TCF12: variants seen among roughly 807,000 people sequenced by gnomAD.
The protein encoded by TCF12 is DNA-binding protein HTF4.
Under a neutral mutation model 86.0 loss-of-function variants are expected in TCF12, and 45 were observed. That is an observed-to-expected ratio of 0.52 (90% CI 0.41 to 0.67). The LOEUF (loss-of-function observed/expected upper bound fraction) is 0.67, where lower values mean the gene tolerates loss of function less well. Ranked by LOEUF, TCF12 falls within the 30% of genes least tolerant of loss-of-function variation. TCF12 has a pLI of 0.00. For missense variants in TCF12, 881 were observed against 859.9 expected (o/e 1.02, Z -0.31); for synonymous variants, 330 against 299.6 (o/e 1.10, Z -1.05).
At chr15:57,024,457 G>C (rs1464798595) in intron 3 of TCF12, among the ~76,000 whole-genome samples, 1 of 151,998 alleles carries the variant, frequency 6.6e-6, no homozygotes, top group Non-Finnish European at 1.5e-5. Context: ...CAAGTCATCT[G>C]CCTGCCTCAG....
chr15:57,138,626 C>G (rs2615240), intron 5 of TCF12, among the ~76,000 whole-genome samples: 152,153 of 152,354 alleles, frequency 1, 75,978 homozygotes, highest in East Asian at 1. Flanking sequence ...GTTGTAGGAA[C>G]AGGGCAGCTG....
At chr15:57,058,954 C>A (rs1029026972) in intron 3 of TCF12, among the ~76,000 whole-genome samples, 1 of 152,046 alleles carries the variant, frequency 6.6e-6, no homozygotes, top group South Asian at 2.1e-4. Flanking sequence ...AAAGGAATAT[C>A]CTTACTCTAC....
intron 6 of TCF12, among the ~76,000 whole-genome samples, chr15:57,185,011 C>T (rs890244551): frequency 7.9e-5 from 12 of 152,122 alleles, no homozygotes; most frequent in Admixed American, 2.0e-4. Flanking sequence ...TTACATCTTT[C>T]TCTCCCAATG....
intron 3 of TCF12, among the ~76,000 whole-genome samples, chr15:57,039,718 C>T (rs149751191): frequency 1.3e-5 from 2 of 152,242 alleles, no homozygotes; most frequent in Admixed American, 1.3e-4. Context: ...AGTCCGTAGA[C>T]CTTCTTGTTG....
chr15:57,197,873 A>G (rs778578780), intron 8 of TCF12, 48 bp downstream of exon 8: 7 of 1,586,388 alleles, frequency 4.4e-6, no homozygotes, highest in African/African-American at 2.7e-5. Flanking sequence ...ACTGATTTCA[A>G]GTGTTCCGTA....
intron 8 of TCF12, among the ~76,000 whole-genome samples, chr15:57,223,709 A>ATACT (rs536879697): frequency 6.1e-4 from 86 of 141,292 alleles, no homozygotes; most frequent in African/African-American, 2.2e-3. Flanking sequence ...TACATTGTAA[A>ATACT]TACTTATAAG....
At chr15:56,932,517 G>A (rs1456229352) in intron 3 of TCF12, among the ~76,000 whole-genome samples, 6 of 151,856 alleles carry the variant, frequency 4.0e-5, no homozygotes, top group Non-Finnish European at 5.9e-5. Context: ...CTTAAATGGG[G>A]TACTGTTGAT....
At chr15:57,269,821 G>T (rs536473750) in intron 18 of TCF12, among the ~76,000 whole-genome samples, 13 of 152,174 alleles carry the variant, frequency 8.5e-5, no homozygotes, top group Admixed American at 3.3e-4. Context: ...ATGAAACTTA[G>T]TTTGGCTGGA....
intron 5 of TCF12, among the ~76,000 whole-genome samples, chr15:57,096,458 T>G (rs1266405543): frequency 2.0e-5 from 3 of 152,096 alleles, no homozygotes; most frequent in Admixed American, 6.6e-5. Context: ...TTAATAGAAT[T>G]GCTATACAGT....
intron 5 of TCF12, among the ~76,000 whole-genome samples, chr15:57,143,241 T>G (rs1405376682): frequency 2.0e-5 from 3 of 151,956 alleles, no homozygotes; most frequent in African/African-American, 7.3e-5. Context: ...TTGAGACATT[T>G]GGTAAAATTC....
chr15:56,919,374 C>T (rs2059657325), intron 1 of TCF12: 2 of 152,184 alleles, frequency 1.3e-5, no homozygotes, highest in East Asian at 1.9e-4. Flanking sequence ...CCTCCTGGGC[C>T]CGCCGGGGAC....
intron 5 of TCF12, among the ~76,000 whole-genome samples, chr15:57,126,109 C>G (rs2051629962): frequency 6.6e-6 from 1 of 152,096 alleles, no homozygotes; most frequent in African/African-American, 2.4e-5. Flanking sequence ...GGCATGGTGG[C>G]ATGCACCTGT....
At chr15:57,225,688 A>G (rs1244004430) in intron 8 of TCF12, among the ~76,000 whole-genome samples, 1 of 152,180 alleles carries the variant, frequency 6.6e-6, no homozygotes, top group Non-Finnish European at 1.5e-5. Flanking sequence ...ATATCTTCCT[A>G]GCACTCTAAT....
intron 19 of TCF12, among the ~76,000 whole-genome samples, chr15:57,275,283 T>C (rs531816255): frequency 9.5e-4 from 84 of 88,238 alleles, no homozygotes; most frequent in Non-Finnish European, 1.8e-3. Context: ...TGAAGCCTTA[T>C]CTTAGGACTT....
intron 1 of TCF12, 131 bp from the exon 2 acceptor site, chr15:56,919,761 C>T (rs546609128): frequency 4.3e-5 from 30 of 704,110 alleles, no homozygotes; most frequent in Non-Finnish European, 6.7e-5. Flanking sequence ...GCGGTGGGAG[C>T]GAGTCGGGGT....
At chr15:57,235,436 A>G (rs1180743908) in intron 12 of TCF12, among the ~76,000 whole-genome samples, 2 of 152,206 alleles carry the variant, frequency 1.3e-5, no homozygotes, top group South Asian at 2.1e-4. Context: ...CATATATATT[A>G]GAACCCTGAT....
chr15:57,075,810 C>G (rs1234148232), intron 4 of TCF12, among the ~76,000 whole-genome samples: 3 of 65,376 alleles, frequency 4.6e-5, no homozygotes, highest in South Asian at 6.5e-4. Context: ...TTCTTTCTCT[C>G]TCTCTCTCTC....
chr15:57,039,811 G>C (rs1346762080), intron 3 of TCF12, among the ~76,000 whole-genome samples: 3 of 152,162 alleles, frequency 2.0e-5, no homozygotes, highest in Middle Eastern at 3.2e-3. Flanking sequence ...GACAAGAAGA[G>C]TTACTAGTAA....
intron 3 of TCF12, among the ~76,000 whole-genome samples, chr15:57,048,971 G>A (rs2067425979): frequency 2.0e-5 from 3 of 152,156 alleles, no homozygotes; most frequent in African/African-American, 7.2e-5. Context: ...TCCAGCTGCT[G>A]GAAGTGTTGG....
Sources: allele counts gnomAD v4.1 joint callset (sites outside exome capture counted in the v4.1 genomes callset), GRCh38; gene constraint gnomAD v4.1.1; transcripts MANE v1.5; gene names NCBI Gene and HGNC (gene_info 2026-07-23, HGNC 2026-07-21).